Variants in TENM1 observed in about 807,000 individuals in gnomAD.
TENM1 encodes the protein teneurin transmembrane protein 1.
Under a neutral mutation model 174.8 loss-of-function variants are expected in TENM1, and 35 were observed. The observed-to-expected ratio is 0.20, with a 90% CI of 0.15 to 0.27. The LOEUF is 0.27. Ranked by LOEUF, TENM1 falls within the 10% of genes least tolerant of loss-of-function variation. The pLI, the probability that TENM1 is intolerant of heterozygous loss-of-function variation, is 1.00. For synonymous variants in TENM1, 781 were observed against 798.7 expected, an observed-to-expected ratio of 0.98 and a Z score of 0.37; for missense variants, 1,633 against 2,130.1, an observed-to-expected ratio of 0.77 and a Z score of 4.59.
chrX:124,995,702 T>G, the TENM1 span, among the ~76,000 whole-genome samples: 2 of 111,589 alleles, frequency 1.8e-5, no homozygotes, highest in Non-Finnish European at 3.8e-5. Context: ...GAGTACAGAT[T>G]GTTGTTATTA....
At chrX:124,678,485 T>C (rs2052149670) in intron 5 of TENM1, among the ~76,000 whole-genome samples, 1 of 111,505 alleles carries the variant, frequency 9.0e-6, no homozygotes, top group East Asian at 2.8e-4. Flanking sequence ...AATGTATTCA[T>C]GTATTATTAT....
At chrX:124,514,947 T>TA (rs199902744) in intron 18 of TENM1, among the ~76,000 whole-genome samples, 10 of 107,525 alleles carry the variant, frequency 9.3e-5, no homozygotes, top group Admixed American at 4.0e-4. Flanking sequence ...CAAAAATCCT[T>TA]AAAAAAAAAA....
chrX:124,817,224 T>A (rs915316153), intron 3 of TENM1, among the ~76,000 whole-genome samples: 2 of 111,709 alleles, frequency 1.8e-5, no homozygotes, highest in Admixed American at 9.5e-5. Flanking sequence ...GAACTCATCA[T>A]TTTTTATGGC....
the TENM1 span, among the ~76,000 whole-genome samples, chrX:125,020,176 T>A: frequency 9.0e-6 from 1 of 111,054 alleles, no homozygotes; most frequent in Non-Finnish European, 1.9e-5. Context: ...GTTTATCACA[T>A]AGAATTTTTT....
chrX:124,865,638 C>A (rs757308330), intron 3 of TENM1, among the ~76,000 whole-genome samples: 4 of 111,128 alleles, frequency 3.6e-5, no homozygotes, highest in Non-Finnish European at 7.6e-5. Context: ...AGACAAATAA[C>A]AAAATGGCAG....
At chrX:124,889,096 C>A (rs1323933507) in intron 3 of TENM1, among the ~76,000 whole-genome samples, 2 of 112,091 alleles carry the variant, frequency 1.8e-5, no homozygotes, top group Non-Finnish European at 3.8e-5. Context: ...GTATCTTTAT[C>A]ATGGTATTAA....
At chrX:124,660,329 C>T (rs1235048836) in intron 6 of TENM1, among the ~76,000 whole-genome samples, 2 of 105,818 alleles carry the variant, frequency 1.9e-5, no homozygotes, top group Non-Finnish European at 3.9e-5. Context: ...GAGCCGAGAT[C>T]GCACCACTGC....
intron 1 of TENM1, among the ~76,000 whole-genome samples, chrX:124,944,360 C>A (rs2058371682): frequency 9.0e-6 from 1 of 111,216 alleles, no homozygotes; most frequent in Admixed American, 9.6e-5. Flanking sequence ...TGGAGAAGAG[C>A]AGGCCACTTA....
chrX:125,163,231 CAAAGGGCTTTTCTT>C, the TENM1 span, among the ~76,000 whole-genome samples: 1 of 111,055 alleles, frequency 9.0e-6, no homozygotes, highest in Non-Finnish European at 1.9e-5. Context: ...GTTCTTTTCT[CAAAGGGCTTTTCTT>C]GCCTCATATT....
chrX:125,178,885 T>C, the TENM1 span, among the ~76,000 whole-genome samples: 1 of 109,943 alleles, frequency 9.1e-6, no homozygotes, highest in Non-Finnish European at 1.9e-5. Flanking sequence ...AGCAGGAGAA[T>C]TGCTCGAACC....
chrX:124,908,895 G>T (rs2147630414), intron 1 of TENM1, among the ~76,000 whole-genome samples: 1 of 105,872 alleles, frequency 9.4e-6, no homozygotes, highest in African/African-American at 3.5e-5. Context: ...TCTCGCTCTT[G>T]TCTCCCAGGC....
intron 5 of TENM1, among the ~76,000 whole-genome samples, chrX:124,674,180 T>C (rs946712725): frequency 9.3e-6 from 1 of 107,409 alleles, no homozygotes; most frequent in African/African-American, 3.4e-5. Context: ...GTTGTGAGAG[T>C]GAATGAAGTC....
intron 5 of TENM1, among the ~76,000 whole-genome samples, chrX:124,697,223 G>C (rs970298919): frequency 1.8e-5 from 2 of 111,111 alleles, no homozygotes; most frequent in African/African-American, 6.5e-5. Flanking sequence ...AGTACACAAG[G>C]TCTATGTTAA....
intron 19 of TENM1, among the ~76,000 whole-genome samples, chrX:124,502,461 A>G (rs2047354535): frequency 8.9e-6 from 1 of 112,502 alleles, no homozygotes; most frequent in Non-Finnish European, 1.9e-5. Context: ...TTTGAAAGAG[A>G]CAATCCATAC....
intron 3 of TENM1, among the ~76,000 whole-genome samples, chrX:124,747,303 C>T (rs2053944394): frequency 9.2e-6 from 1 of 108,638 alleles, no homozygotes; most frequent in Non-Finnish European, 1.9e-5. Flanking sequence ...TAGATGCCTT[C>T]AGAAAATGAA....
chrX:124,907,742 T>C (rs767140264), intron 1 of TENM1, among the ~76,000 whole-genome samples: 1 of 112,189 alleles, frequency 8.9e-6, no homozygotes, highest in Non-Finnish European at 1.9e-5. Context: ...TGGCATAGCA[T>C]ATATAGTCAA....
rs750650981 is a variant in TENM1, at chrX:124,675,461, C to T, written c.1016-3626G>A. 2.7e-5 allele frequency among the ~76,000 whole-genome samples: 3 copies of T among 110,715 alleles called. No homozygotes were observed. In the East Asian group the frequency reaches 8.5e-4, roughly 31 times the overall value. On this transcript the variant is annotated intron_variant, in intron 5 of 31. Coordinates refer to ENST00000422452, the Ensembl canonical transcript of TENM1. ...AGAGCCACACTGTTTAGGTGAGTCCCCCAAACCCAAGAATAGACATTATGA... is the reference window on the plus strand; with the variant it reads ...AGAGCCACACTGTTTAGGTGAGTCCTCCAAACCCAAGAATAGACATTATGA...
intron 18 of TENM1, among the ~76,000 whole-genome samples, chrX:124,507,421 C>T (rs1390248845): frequency 9.0e-6 from 1 of 111,439 alleles, no homozygotes; most frequent in Non-Finnish European, 1.9e-5. Flanking sequence ...AACCAAGAGT[C>T]ACTAATTGTC....
intron 3 of TENM1, among the ~76,000 whole-genome samples, chrX:124,875,873 C>A (rs868607259): frequency 9.6e-3 from 537 of 55,691 alleles, no homozygotes; most frequent in Non-Finnish European, 0.012. Context: ...GAGACTGTCT[C>A]AAAAAAAAAA....
Sources: gnomAD v4.1 joint callset for allele counts (sites outside exome capture counted in the v4.1 genomes callset) on GRCh38, gnomAD v4.1.1 for gene constraint, MANE v1.5 for transcripts, NCBI Gene and HGNC (gene_info 2026-07-23, HGNC 2026-07-21) for gene names.